The following HCRTR2 variants were observed in gnomAD, a reference collection of about 807,000 sequenced individuals.
HCRTR2 encodes the protein hypocretin receptor 2.
A neutral mutation model predicts 49.0 loss-of-function variants in HCRTR2; 22 were observed. That is an observed-to-expected ratio of 0.45 (90% CI 0.32 to 0.64). HCRTR2 has a LOEUF of 0.64. HCRTR2 is among the 30% of genes least tolerant of loss of function. The pLI is 0.04. For missense variants in HCRTR2, 491 were observed against 559.4 expected (o/e 0.88, Z 1.23); for synonymous variants, 236 against 205.3 (o/e 1.15, Z -1.28).
At chr6:55,195,976 A>AAACAACAACAACAAC (rs145517354) in intron 1 of HCRTR2, among the ~76,000 whole-genome samples, 1 of 152,070 alleles carries the variant, frequency 6.6e-6, no homozygotes, top group Admixed American at 6.5e-5. Context: ...CGTCTCAATA[A>AAACAACAACAACAAC]AACAACAACA....
Position 55,124,947 on chromosome 6 carries a change from T to C in HCRTR2, c.-378+18402T>C, listed in dbSNP as rs540677558. ...ACCAACTCCTGCTTTTTTTTTTTTTTCACTTTCCATGTGCTTGGTAAATAA... is the reference window on the plus strand; with the variant it reads ...ACCAACTCCTGCTTTTTTTTTTTTTCCACTTTCCATGTGCTTGGTAAATAA... On this transcript the variant is annotated intron_variant, in intron 1 of 7. Coordinates refer to the HCRTR2 transcript ENST00000615358. Among the ~76,000 whole-genome samples, 27 of 147,514 alleles carry C rather than the reference T, an allele frequency of 1.8e-4. No homozygotes were observed. The East Asian group carries it at 2.3e-3, about 13-fold the overall frequency.
intron 1 of HCRTR2, among the ~76,000 whole-genome samples, chr6:55,129,797 T>G (rs1158730696): frequency 6.6e-6 from 1 of 152,032 alleles, no homozygotes; most frequent in African/African-American, 2.4e-5. Flanking sequence ...ACATGTCTTC[T>G]CAGCCAATAT....
chr6:55,157,486 TGACTGG>T, intron 1 of HCRTR2, among the ~76,000 whole-genome samples: 1 of 152,376 alleles, frequency 6.6e-6, no homozygotes, highest in Middle Eastern at 3.4e-3. Context: ...GACACAAGTC[TGACTGG>T]CTTTACCACC....
At chr6:55,112,456 C>A (rs1764061540) in intron 1 of HCRTR2, among the ~76,000 whole-genome samples, 1 of 142,174 alleles carries the variant, frequency 7.0e-6, no homozygotes, top group South Asian at 2.3e-4. Context: ...TTTCAGGATA[C>A]AAAATCAAGG....
At chr6:55,236,067 C>T (rs545974629) in intron 1 of HCRTR2, among the ~76,000 whole-genome samples, 2 of 152,118 alleles carry the variant, frequency 1.3e-5, no homozygotes, top group East Asian at 1.9e-4. Context: ...ATTTGGAATG[C>T]ATTGAATCCA....
Position 55,219,386 on chromosome 6 carries a change from C to T in HCRTR2, c.224-29253C>T, listed in dbSNP as rs3006857. On this transcript the variant is annotated intron_variant, in intron 1 of 6. Transcript: ENST00000370862. ...GTGGAATGAAACTATAAATCAATTA[C>T]AAAAGGAAACTGGCAATTTCACCAA... Among the ~76,000 whole-genome samples, 221 of 152,152 alleles carry T rather than the reference C, an allele frequency of 1.5e-3. 1 individual carries two copies. The highest frequency in any genetic ancestry group is 4.9e-3 in the African/African-American group (202 of 41,534).
intron 1 of HCRTR2, among the ~76,000 whole-genome samples, chr6:55,161,335 T>C (rs1027486399): frequency 6.7e-6 from 1 of 150,236 alleles, no homozygotes; most frequent in African/African-American, 2.4e-5. Flanking sequence ...GCTAAAGTAG[T>C]GTTTGGAGGG....
chr6:55,282,441 T>G lies in HCRTR2; in HGVS notation c.1322T>G (p.Leu441Arg). Residue 441 changes from leucine (L) to arginine (R), a missense_variant, in exon 7 of 7, where the codon CTT becomes CGT. By Grantham distance (102) the Leu-to-Arg change is moderately radical. Transcript: ENST00000370862. ...TLPAANGAGP[L>R]QNW is the part of the protein sequence containing the mutation. Reference sequence around the variant, plus strand: ...CCAGCAGCCAATGGAGCAGGACCACTTCAAAACTGGTAGAATATTTATTCA... The same window carrying G: ...CCAGCAGCCAATGGAGCAGGACCACGTCAAAACTGGTAGAATATTTATTCA... 6.4e-7 allele frequency: 1 copy of G among 1,563,452 alleles called. No homozygotes were observed. The highest frequency in any genetic ancestry group is 8.8e-7 in the Non-Finnish European group (1 of 1,134,516).
chr6:55,237,183 TTTCTTGACATTATTAA>T (rs1337609978), intron 1 of HCRTR2, among the ~76,000 whole-genome samples: 1 of 152,140 alleles, frequency 6.6e-6, no homozygotes, highest in Non-Finnish European at 1.5e-5. Flanking sequence ...ATATATCTAC[TTTCTTGACATTATTAA>T]TTCAATCATT....
intron 3 of HCRTR2, among the ~76,000 whole-genome samples, chr6:55,259,237 G>T (rs903546170): frequency 2.0e-5 from 3 of 151,092 alleles, no homozygotes; most frequent in African/African-American, 7.3e-5. Context: ...AAAAAAAAAT[G>T]GAACCATTTT....
chr6:55,275,283 T>A (rs1002720830), intron 4 of HCRTR2, among the ~76,000 whole-genome samples: 1 of 152,176 alleles, frequency 6.6e-6, no homozygotes, highest in African/African-American at 2.4e-5. Context: ...GTGGGGTGCA[T>A]GTATTTTACT....
chr6:55,131,287 C>T (rs1478955859), intron 1 of HCRTR2, among the ~76,000 whole-genome samples: 5 of 151,454 alleles, frequency 3.3e-5, no homozygotes, highest in African/African-American at 1.2e-4. Context: ...TCAGATTTTA[C>T]CTGTTTGGGG....
chr6:55,226,459 C>G (rs556990284), intron 1 of HCRTR2, among the ~76,000 whole-genome samples: 1 of 152,264 alleles, frequency 6.6e-6, no homozygotes, highest in South Asian at 2.1e-4. Context: ...CAGGCATGCA[C>G]CACCACGCCT....
At chr6:55,181,708 C>T (rs1765137184) in intron 1 of HCRTR2, among the ~76,000 whole-genome samples, 1 of 152,032 alleles carries the variant, frequency 6.6e-6, no homozygotes, top group South Asian at 2.1e-4. Flanking sequence ...ACAGAAAAGC[C>T]AAGTGGTTGT....
At chr6:55,142,990 T>TGATAGGTA (rs1764529426) in intron 1 of HCRTR2, among the ~76,000 whole-genome samples, 1 of 139,240 alleles carries the variant, frequency 7.2e-6, no homozygotes, top group Admixed American at 7.1e-5. Flanking sequence ...AGATGATAGA[T>TGATAGGTA]GATAGATAGA....
At chr6:55,239,592 A>G (rs1766281605) in intron 1 of HCRTR2, among the ~76,000 whole-genome samples, 1 of 152,196 alleles carries the variant, frequency 6.6e-6, no homozygotes, top group Non-Finnish European at 1.5e-5. Context: ...CCTAACGGTT[A>G]TCAACACTAC....
At chr6:55,226,928 A>G (rs1373015571) in intron 1 of HCRTR2, among the ~76,000 whole-genome samples, 2 of 152,034 alleles carry the variant, frequency 1.3e-5, no homozygotes, top group East Asian at 3.9e-4. Flanking sequence ...AAAACAGGAT[A>G]TGAAGATTAG....
chr6:55,255,025 C>A, intron 2 of HCRTR2, 111 bp from the exon 3 acceptor site: 3 of 1,207,140 alleles, frequency 2.5e-6, no homozygotes, highest in Non-Finnish European at 2.4e-6. Flanking sequence ...TTTTTGGCAG[C>A]TTTGAATTTG....
chr6:55,225,162 A>G lies in HCRTR2; in HGVS notation c.224-23477A>G, dbSNP rs141333354. On this transcript the variant is annotated intron_variant, in intron 1 of 6. Transcript: ENST00000370862. The stretch of plus-strand genomic sequence containing the variant: ...CAACTTAAAAAATATTAAAGATTTA[A>G]TGTAGATAAATGAAAGAAAATTAGG... Among the ~76,000 whole-genome samples, 48 of 152,316 alleles carry G rather than the reference A, an allele frequency of 3.2e-4. 1 individual carries two copies. The East Asian group carries it at 8.3e-3, about 26-fold the overall frequency.
Sources: gnomAD v4.1 joint callset for allele counts (sites outside exome capture counted in the v4.1 genomes callset) on GRCh38, gnomAD v4.1.1 for gene constraint, MANE v1.5 for transcripts, NCBI Gene and HGNC (gene_info 2026-07-23, HGNC 2026-07-21) for gene names.